Variants in GPR161 observed in about 807,000 individuals in gnomAD.
The protein encoded by GPR161 is G protein-coupled receptor 161, also known as G-protein coupled receptor RE2.
A neutral mutation model predicts 39.2 loss-of-function variants in GPR161; 25 were observed. The ratio of observed to expected loss-of-function variants is 0.64; its 90% CI spans 0.47 to 0.89. GPR161 has a LOEUF of 0.89. GPR161 is among the 40% of genes least tolerant of loss of function. The pLI is 0.00. For missense variants in GPR161, 547 were observed against 677.8 expected (o/e 0.81, Z 2.14); for synonymous variants, 286 against 276.6 (o/e 1.03, Z -0.34).
chr1:168,125,823 A>G (rs1010389954), intron 1 of GPR161, among the ~76,000 whole-genome samples: 2 of 152,014 alleles, frequency 1.3e-5, no homozygotes, highest in African/African-American at 4.8e-5. Context: ...TCACCGTGTT[A>G]GCCAGGCTGG....
intron 1 of GPR161, among the ~76,000 whole-genome samples, chr1:168,130,532 G>A (rs189116926): frequency 2.6e-5 from 4 of 152,256 alleles, no homozygotes; most frequent in African/African-American, 7.2e-5. Context: ...AAATACACTC[G>A]AGCATTTTAA....
At chr1:168,124,420 A>G (rs1698438269) in intron 1 of GPR161, among the ~76,000 whole-genome samples, 1 of 152,096 alleles carries the variant, frequency 6.6e-6, no homozygotes, top group African/African-American at 2.4e-5. Flanking sequence ...TCTATCACAC[A>G]TTTTTCTGTA....
rs1355045125 is a variant in GPR161, at chr1:168,087,811, C to T, written c.1205-107G>A. 1.9e-5 allele frequency: 22 copies of T among 1,176,266 alleles called. No individual in the cohort carries two copies. The South Asian group carries it at 2.9e-4, about 16-fold the overall frequency. 72.9% of individuals were successfully genotyped at this position (1,176,266 alleles called of 1,614,324 possible). On this transcript the variant is annotated intron_variant, in intron 4 of 5. Coordinates refer to ENST00000682931, the MANE Select transcript of GPR161 (RefSeq NM_001375883.1). ...ACCCCTCTTCTCCCGTTCATCCAAA[C>T]CCATCATCAAGTGGAGCTGACTGCG...
At chr1:168,091,565 C>T (rs1279478686) in intron 3 of GPR161, among the ~76,000 whole-genome samples, 2 of 152,148 alleles carry the variant, frequency 1.3e-5, no homozygotes, top group Admixed American at 1.3e-4. Flanking sequence ...CCAGGGCTTC[C>T]CTGTGGTTTT....
intron 3 of GPR161, among the ~76,000 whole-genome samples, chr1:168,091,801 T>C (rs773011286): frequency 1.3e-5 from 2 of 152,056 alleles, no homozygotes; most frequent in Non-Finnish European, 2.9e-5. Context: ...AACATGGAGA[T>C]AACAAAACGC....
rs187565859 is a variant in GPR161, at chr1:168,087,732, G to C, written c.1205-28C>G. The C allele has an allele frequency of 4.5e-5, 71 of 1,587,970 alleles. No homozygotes were observed. In the Admixed American group the frequency reaches 1.2e-3, roughly 27 times the overall value. On this transcript the variant is annotated intron_variant, in intron 4 of 5. Coordinates refer to ENST00000682931, the MANE Select transcript of GPR161 (RefSeq NM_001375883.1). ...AAAACAACGGGCAGATTGTGCATAT[G>C]TAACTACAATCTAAAGTCCTCCTGG...
At chr1:168,087,510 C>T in intron 5 of GPR161, 75 bp downstream of exon 5, 1 of 1,561,794 alleles carries the variant, frequency 6.4e-7, no homozygotes, top group Non-Finnish European at 8.8e-7. Flanking sequence ...GGGAGCCAGC[C>T]TGAGCCAAGG....
At chr1:168,111,223 C>G (rs964673463) in intron 1 of GPR161, among the ~76,000 whole-genome samples, 1 of 152,180 alleles carries the variant, frequency 6.6e-6, no homozygotes, top group African/African-American at 2.4e-5. Context: ...ACCCAGCAAC[C>G]ATTCTCAGTT....
chr1:168,137,509 G>A (rs1267473741), upstream of GPR161: 15 of 921,104 alleles, frequency 1.6e-5, no homozygotes, highest in Non-Finnish European at 2.4e-5. Flanking sequence ...GTGGGGAGTG[G>A]ACGTAAACAG....
intron 5 of GPR161, 85 bp downstream of exon 5, chr1:168,087,500 G>GGGAGCCAGCC (rs1694637998): frequency 2.7e-6 from 4 of 1,499,630 alleles, no homozygotes; most frequent in Admixed American, 1.7e-5. Context: ...ATTCCGGGAT[G>GGGAGCCAGCC]GGAGCCAGCC....
intron 2 of GPR161, among the ~76,000 whole-genome samples, chr1:168,102,026 C>T (rs888059546): frequency 3.3e-5 from 5 of 152,168 alleles, no homozygotes; most frequent in East Asian, 1.9e-4. Context: ...TGGTCTTGAG[C>T]TCCTGACTTT....
rs949266256 is a variant in GPR161 at position 168,084,443 on chromosome 1, A to G, written c.*1088T>C. On this transcript the variant is annotated 3_prime_UTR_variant, in exon 6 of 6. Coordinates refer to ENST00000682931, the MANE Select transcript of GPR161 (RefSeq NM_001375883.1). The stretch of plus-strand genomic sequence containing the variant: ...TTCCCACTTTACAGAGGACCTAGAA[A>G]GGTGACAAGATGTCCAAATGACATG... The G allele has an allele frequency of 1.8e-5, 5 of 272,722 alleles. No homozygotes were observed. The highest frequency in any genetic ancestry group is 1.0e-4 in the Admixed American group (2 of 19,418). The allele number at this position is 272,722 out of a possible 1,614,324, so 16.9% of individuals were successfully genotyped here. A position where few individuals can be genotyped will look rare whatever the true frequency, so the allele number is the denominator to read the frequency against.
rs1337433184 is a variant in GPR161 at position 168,079,897 on chromosome 1, T to C, written c.*5634A>G. The C allele has an allele frequency of 6.6e-6, 1 of 152,208 alleles. No homozygotes were observed. Among genetic ancestry groups the C allele is most frequent in the African/African-American group, 2.4e-5 (1 of 41,446 alleles). 9.4% of individuals were successfully genotyped at this position (152,208 alleles called of 1,614,324 possible). On this transcript the variant is annotated 3_prime_UTR_variant, in exon 6 of 6. Transcript: ENST00000682931. ...ACTGACTCACCTGTGATTTGTGGTATTTCAAACTAGTGAAAAAAGGAAAAA... is the reference window on the plus strand; with the variant it reads ...ACTGACTCACCTGTGATTTGTGGTACTTCAAACTAGTGAAAAAAGGAAAAA...
chr1:168,087,716 GGCAGATTGT>G lies in GPR161; in HGVS notation c.1205-21_1205-13del. On this transcript the variant is annotated splice_polypyrimidine_tract_variant and intron_variant, in intron 4 of 5. Transcript: ENST00000682931. ...CATCATATCTGTCCCTAAAACAACGGGCAGATTGTGCATATGTAACTACAATCTAAAGTC... is the reference window on the plus strand; with the variant it reads ...CATCATATCTGTCCCTAAAACAACGGGCATATGTAACTACAATCTAAAGTC... The G allele has an allele frequency of 6.2e-7, 1 of 1,603,772 alleles. No homozygotes were observed. Among genetic ancestry groups the G allele is most frequent in the South Asian group, 1.1e-5 (1 of 89,554 alleles).
intron 1 of GPR161, among the ~76,000 whole-genome samples, chr1:168,106,451 A>G (rs1200131000): frequency 6.6e-6 from 1 of 152,184 alleles, no homozygotes; most frequent in Non-Finnish European, 1.5e-5. Flanking sequence ...TTATCCGGGA[A>G]TGGTCGTACA....
chr1:168,114,288 G>C (rs1227219458), intron 1 of GPR161, among the ~76,000 whole-genome samples: 3 of 152,132 alleles, frequency 2.0e-5, no homozygotes, highest in African/African-American at 7.2e-5. Flanking sequence ...TAGTGGTTAA[G>C]AGCACAGATG....
Position 168,084,959 on chromosome 1 carries a change from G to A in GPR161, c.*572C>T, listed in dbSNP as rs1475118572. On this transcript the variant is annotated 3_prime_UTR_variant, in exon 6 of 6. Transcript: ENST00000682931. ...GCGCCACTGAGGACCGCTCCGAAGC[G>A]CTCTGCTCCTGGGTGCTTTCTCTGC... 2.2e-6 allele frequency: 1 copy of A among 456,182 alleles called. No individual in the cohort carries two copies. The highest frequency in any genetic ancestry group is 4.4e-6 in the Non-Finnish European group (1 of 226,984). The allele number at this position is 456,182 out of a possible 1,614,324, so 28.3% of individuals were successfully genotyped here.
At chr1:168,087,502 G>A (rs2102097197) in intron 5 of GPR161, 83 bp downstream of exon 5, 2 of 1,512,370 alleles carry the variant, frequency 1.3e-6, no homozygotes, top group South Asian at 1.1e-5. Context: ...TCCGGGATGG[G>A]AGCCAGCCTG....
chr1:168,137,338 C>A (rs547188895), upstream of GPR161: 26 of 1,535,706 alleles, frequency 1.7e-5, no homozygotes, highest in South Asian at 2.4e-4. Flanking sequence ...CAGTCCCATT[C>A]TCCTCCTCCA....
Sources: allele counts gnomAD v4.1 joint callset (sites outside exome capture counted in the v4.1 genomes callset), GRCh38; gene constraint gnomAD v4.1.1; transcripts MANE v1.5; gene names NCBI Gene and HGNC (gene_info 2026-07-23, HGNC 2026-07-21).